The following ABTB1 variants were observed in gnomAD, a reference collection of about 807,000 sequenced individuals.
ABTB1 encodes ankyrin repeat and BTB/POZ domain-containing protein 1.
ABTB1 carries 45 observed loss-of-function variants against 57.1 expected under a neutral mutation model. The ratio of observed to expected loss-of-function variants is 0.79; its 90% CI spans 0.62 to 1.01. The LOEUF (loss-of-function observed/expected upper bound fraction) is 1.01. ABTB1 is among the 50% of genes least tolerant of loss of function. ABTB1 has a pLI of 0.00. For synonymous variants in ABTB1, 302 were observed against 275.4 expected (o/e 1.10, Z -0.95); for missense variants, 630 against 666.3 (o/e 0.95, Z 0.60).
In ABTB1 at chr3:127,680,479, C is replaced by G. The variant is rs182896693; in HGVS notation, c.*4C>G. ...GTCCATCGGTCTGGACTGTTGAGCCCCTGGCTGGGCAGCCCCAGGGGCCAG... is the reference window on the plus strand; with the variant it reads ...GTCCATCGGTCTGGACTGTTGAGCCGCTGGCTGGGCAGCCCCAGGGGCCAG... On this transcript the variant is annotated 3_prime_UTR_variant, in exon 12 of 12. Transcript: ENST00000232744. 1 of 1,598,646 alleles carries G rather than the reference C, an allele frequency of 6.3e-7. No individual in the cohort carries two copies. Among genetic ancestry groups the G allele is most frequent in the East Asian group, 2.2e-5 (1 of 44,612 alleles).
chr3:127,677,680 T>A lies in ABTB1; in HGVS notation c.866T>A (p.Phe289Tyr). Residue 289 changes from phenylalanine (F) to tyrosine (Y), a missense_variant, in exon 10 of 12, where the codon TTT becomes TAT. Around this residue, in one of 3 missense-constraint regions of ABTB1, gnomAD observed 579 missense variants for 585.9 expected, o/e 0.99. Transcript: ENST00000232744. ...CCTGAGCCCGGCCTCCCCCAGGCCT[T>A]TTTCTGTGGCCGCAGTGACTACTTC... ...AGCSFLCHKA[F>Y]FCGRSDYFRA... 4 of 1,611,068 alleles carry A rather than the reference T, an allele frequency of 2.5e-6. No homozygotes were observed. The highest frequency in any genetic ancestry group is 3.4e-6 in the Non-Finnish European group (4 of 1,178,644).
chr3:127,673,349 G>A (rs1200120692), intron 1 of ABTB1: 6 of 294,414 alleles, frequency 2.0e-5, no homozygotes, highest in Non-Finnish European at 2.5e-5. Context: ...AGGCGCAGAA[G>A]TGGGCGGAGA....
At position 127,674,609 on chromosome 3, in the gene ABTB1, A is replaced by G. The variant is rs1192266047; in HGVS notation, c.175+9A>G. The G allele has an allele frequency of 1.2e-6, 2 of 1,614,160 alleles. No individual in the cohort carries two copies. Among genetic ancestry groups the G allele is most frequent in the Non-Finnish European group, 1.7e-6 (2 of 1,180,022 alleles). On this transcript the variant is annotated intron_variant, in intron 3 of 11. Coordinates refer to ENST00000232744, the MANE Select transcript of ABTB1 (RefSeq NM_172027.3). Reference sequence around the variant, plus strand: ...CTACCTTCTGGCCAATGGTGAGAGCAGGGAGCCCGGCTCACGGGTGTGCGT... The same window carrying G: ...CTACCTTCTGGCCAATGGTGAGAGCGGGGAGCCCGGCTCACGGGTGTGCGT...
At chr3:127,679,664 G>A in intron 10 of ABTB1, 1 of 531,308 alleles carries the variant, frequency 1.9e-6, no homozygotes, top group South Asian at 1.5e-5. Context: ...CCCACAGCTA[G>A]AAGTGTCAGA....
At chr3:127,675,335 T>G (rs974747591) in intron 3 of ABTB1, among the ~76,000 whole-genome samples, 1 of 147,524 alleles carries the variant, frequency 6.8e-6, no homozygotes, top group African/African-American at 2.5e-5. Flanking sequence ...TAGTGTGATC[T>G]CGGTTCACTG....
In ABTB1 at chr3:127,680,110, G is replaced by A. The variant is rs1342715663; in HGVS notation, c.1155G>A (p.Trp385Ter). Residue 385 changes from tryptophan (W) to a stop codon, truncating the protein, a stop_gained, in exon 11 of 12, where the codon TGG (tryptophan) becomes TGA (stop). Coordinates refer to ENST00000232744, the MANE Select transcript of ABTB1 (RefSeq NM_172027.3). LOFTEE classifies it high-confidence loss of function. ...MLDEDTVVGV[W>*]RVAKLFRLAR... ...ACGAGGACACTGTGGTGGGTGTGTG[G>A]CGCGTGGCCAAGCTCTTCCGCCTGG... 4 of 1,613,818 alleles carry A rather than the reference G, an allele frequency of 2.5e-6. No individual in the cohort carries two copies. The highest frequency in any genetic ancestry group is 2.5e-6 in the Non-Finnish European group (3 of 1,180,046).
rs1553749053 is a variant in ABTB1, at chr3:127,677,709, G to A, written c.895G>A (p.Ala299Thr). The A allele has an allele frequency of 1.5e-5, 24 of 1,609,230 alleles. No individual in the cohort carries two copies. The South Asian group carries it at 2.0e-4, about 13-fold the overall frequency. Reference protein sequence around the residue: ...FFCGRSDYFRALLDDHFRESE... With the variant: ...FFCGRSDYFRTLLDDHFRESE... Reference sequence around the variant, plus strand: ...CTGTGGCCGCAGTGACTACTTCCGAGCCCTGCTGGATGACCACTTCCGAGA... The same window carrying A: ...CTGTGGCCGCAGTGACTACTTCCGAACCCTGCTGGATGACCACTTCCGAGA... Residue 299 changes from alanine (A) to threonine (T), a missense_variant, in exon 10 of 12, where the codon GCC (alanine) becomes ACC (threonine). Ala to Thr is a moderately conservative substitution (Grantham distance 58). Coordinates refer to ENST00000232744, the MANE Select transcript of ABTB1 (RefSeq NM_172027.3).
In ABTB1 at chr3:127,680,418, G is replaced by A. The variant is rs776834876; in HGVS notation, c.1380G>A (p.Ala460=). The change falls in exon 12 of 12, where the codon GCG becomes GCA. Residue 460 remains alanine (A), a synonymous_variant. Transcript: ENST00000232744. The part of the protein sequence containing the change: ...TVQTYSAIEE[A]QQRLRALEDL... ...AGACCTACAGCGCCATAGAGGAGGC[G>A]CAGCAGCGTCTGCGGGCACTCGAGG... 1.6e-5 allele frequency: 25 copies of A among 1,606,892 alleles called. No individual in the cohort carries two copies. In the East Asian group the frequency reaches 3.4e-4, roughly 22 times the overall value.
chr3:127,679,993 C>T lies in ABTB1; in HGVS notation c.1038C>T (p.Pro346=), dbSNP rs201126833. 4.1e-4 allele frequency: 654 copies of T among 1,613,450 alleles called. 9 individuals carry two copies. The South Asian group carries it at 4.7e-3, about 12-fold the overall frequency. Residue 346 remains proline (P), a synonymous_variant, in exon 11 of 12, where the codon CCC becomes CCT. Coordinates refer to ENST00000232744, the MANE Select transcript of ABTB1 (RefSeq NM_172027.3). ...YMYSDHTELS[P]EAAYDVLSVA... The stretch of plus-strand genomic sequence containing the variant: ...CCCTGTCTTCACTGCAGCTGTCCCC[C>T]GAGGCAGCCTATGATGTGCTGAGCG...
chr3:127,678,802 A>C (rs972442417), intron 10 of ABTB1: 1 of 152,292 alleles, frequency 6.6e-6, no homozygotes, highest in African/African-American at 2.4e-5. Context: ...ACCACTTCTC[A>C]TGTTCCCCTG....
In ABTB1 at chr3:127,677,227, C is replaced by A; in HGVS notation, c.703C>A (p.Pro235Thr). The A allele has an allele frequency of 6.2e-7, 1 of 1,606,428 alleles. No individual in the cohort carries two copies. Among genetic ancestry groups the A allele is most frequent in the Non-Finnish European group, 8.5e-7 (1 of 1,176,680 alleles). ...GACCATCGAGCCCCCACCTGCAGAC[C>A]CCCGCCTCCGGGAGGACATGGCGCT... is the stretch of plus-strand genomic sequence containing the variant. ...VLTIEPPPAD[P>T]RLREDMALLA... Residue 235 changes from proline (P) to threonine (T), a missense_variant, in exon 8 of 12, where the codon CCC becomes ACC. By Grantham distance (38) the Pro-to-Thr change is conservative. Transcript: ENST00000232744.
intron 1 of ABTB1, 94 bp from the exon 2 acceptor site, chr3:127,674,297 A>G (rs757538620): frequency 6.6e-7 from 1 of 1,513,794 alleles, no homozygotes; most frequent in Non-Finnish European, 9.0e-7. Flanking sequence ...TCCCCATACC[A>G]AAAGGGATGT....
Position 127,672,993 on chromosome 3 carries a change from A to G in ABTB1, c.-33A>G, listed in dbSNP as rs1253992298. ...GCCGGGTGCGCGGCTTCGCCGCCCG[A>G]GGTCGTTCGGCTCGGGTACCATCCT... On this transcript the variant is annotated 5_prime_UTR_variant, in exon 1 of 12. Coordinates refer to ENST00000232744, the MANE Select transcript of ABTB1 (RefSeq NM_172027.3). 18 of 1,537,696 alleles carry G rather than the reference A, an allele frequency of 1.2e-5. No homozygotes were observed. Among genetic ancestry groups the G allele is most frequent in the Non-Finnish European group, 1.6e-5 (18 of 1,140,422 alleles).
intron 1 of ABTB1, 55 bp downstream of exon 1, chr3:127,673,136 C>A: frequency 6.8e-7 from 1 of 1,460,324 alleles, no homozygotes; most frequent in Non-Finnish European, 9.1e-7. Flanking sequence ...CTCGGAACGC[C>A]TCGGGCCCTG....
intron 3 of ABTB1, chr3:127,675,675 T>C (rs1482292847): frequency 4.2e-6 from 2 of 472,178 alleles, no homozygotes; most frequent in African/African-American, 3.9e-5. Flanking sequence ...CTGTGTCTCG[T>C]TCACTGCTGT....
intron 10 of ABTB1, chr3:127,678,723 C>T (rs1363664764): frequency 1.3e-5 from 2 of 152,314 alleles, no homozygotes; most frequent in Non-Finnish European, 2.9e-5. Context: ...CCTAGGCAAA[C>T]TCATGCTCTA....
At chr3:127,674,328 C>T in intron 1 of ABTB1, 63 bp from the exon 2 acceptor site, 2 of 1,562,600 alleles carry the variant, frequency 1.3e-6, no homozygotes, top group South Asian at 1.2e-5. Flanking sequence ...TTCCTTTCCA[C>T]GGGCCTTCTT....
chr3:127,675,374 C>A, intron 3 of ABTB1: 1 of 151,638 alleles, frequency 6.6e-6, no homozygotes, highest in Admixed American at 6.5e-5. Context: ...CTCAAGTGAT[C>A]CTCCTGCCTC....
chr3:127,674,599 T>C lies in ABTB1; in HGVS notation c.174T>C (p.Asn58=). 6.2e-7 allele frequency: 1 copy of C among 1,614,072 alleles called. No individual in the cohort carries two copies. Among genetic ancestry groups the C allele is most frequent in the Non-Finnish European group, 8.5e-7 (1 of 1,179,984 alleles). The change falls in exon 3 of 12, where the codon AAT becomes AAC. Residue 58 remains asparagine (N), a splice_region_variant and synonymous_variant. Transcript: ENST00000232744. ...HEELVLYLLA[N]GARCEANTFD... The stretch of plus-strand genomic sequence containing the variant: ...AGCTGGTACTCTACCTTCTGGCCAA[T>C]GGTGAGAGCAGGGAGCCCGGCTCAC...
Sources: allele counts gnomAD v4.1 joint callset (sites outside exome capture counted in the v4.1 genomes callset), GRCh38; gene constraint gnomAD v4.1.1; regional missense constraint gnomAD v4.1.1; transcripts MANE v1.5; gene names NCBI Gene and HGNC (gene_info 2026-07-23, HGNC 2026-07-21).